The following YTHDC1 variants were observed in gnomAD, a reference collection of about 807,000 sequenced individuals.
The protein encoded by YTHDC1 is YTH N6-methyladenosine RNA binding protein C1.
A neutral mutation model predicts 107.0 loss-of-function variants in YTHDC1; 12 were observed. The ratio of observed to expected loss-of-function variants is 0.11; its 90% confidence interval spans 0.07 to 0.18. The LOEUF is 0.18. Ranked by LOEUF, YTHDC1 falls within the 10% of genes least tolerant of loss-of-function variation. The pLI, the probability that YTHDC1 is intolerant of heterozygous loss-of-function variation, is 1.00. For missense variants in YTHDC1, 635 were observed against 898.8 expected (o/e 0.71, Z 3.75); for synonymous variants, 280 against 289.5 (o/e 0.97, Z 0.33).
At chr4:68,334,651 G>A (rs1312199469) in intron 4 of YTHDC1, among the ~76,000 whole-genome samples, 1 of 152,024 alleles carries the variant, frequency 6.6e-6, no homozygotes, top group African/African-American at 2.4e-5. Context: ...TCTTTCAGTA[G>A]TCTAAGCATT....
chr4:68,348,514 A>G (rs1725698855), intron 1 of YTHDC1, among the ~76,000 whole-genome samples: 2 of 149,840 alleles, frequency 1.3e-5, no homozygotes, highest in Non-Finnish European at 3.0e-5. Flanking sequence ...ATTTTTTAGC[A>G]TTTAGTTTAA....
chr4:68,339,363 A>G (rs1724567025), intron 1 of YTHDC1, among the ~76,000 whole-genome samples: 1 of 152,236 alleles, frequency 6.6e-6, no homozygotes, highest in Non-Finnish European at 1.5e-5. Context: ...TTTCATATCA[A>G]AGCAGACCTA....
chr4:68,346,078 C>CACATATAT (rs377126144), intron 1 of YTHDC1, among the ~76,000 whole-genome samples: 4 of 132,678 alleles, frequency 3.0e-5, no homozygotes, highest in Non-Finnish European at 6.2e-5. Flanking sequence ...TGTGTGTGTA[C>CACATATAT]ATATATATAT....
rs1721529179 is a variant in YTHDC1, at chr4:68,313,948, T to C, written c.*151A>G. On this transcript the variant is annotated 3_prime_UTR_variant, in exon 17 of 17. Coordinates refer to ENST00000344157, the MANE Select transcript of YTHDC1 (RefSeq NM_001031732.4). ...TTTTTCCAGTTCTTATGATACTGCA[T>C]GCTTGGAACAAAGGGGGTCATAATA... 1.2e-6 allele frequency: 1 copy of C among 826,726 alleles called. No homozygotes were observed. Among genetic ancestry groups the C allele is most frequent in the South Asian group, 1.7e-5 (1 of 58,256 alleles). The allele number at this position is 826,726 out of a possible 1,614,324, so 51.2% of individuals were successfully genotyped here. A position where few individuals can be genotyped will look rare whatever the true frequency, so the allele number is the denominator to read the frequency against.
intron 4 of YTHDC1, among the ~76,000 whole-genome samples, chr4:68,336,184 CA>C (rs907465477): frequency 1.3e-5 from 2 of 150,926 alleles, no homozygotes; most frequent in Non-Finnish European, 1.5e-5. Context: ...AAATGTATTT[CA>C]AAAAAATAGG....
chr4:68,329,768 GACA>G (rs941610825), intron 9 of YTHDC1, among the ~76,000 whole-genome samples: 32 of 152,232 alleles, frequency 2.1e-4, no homozygotes, highest in African/African-American at 6.7e-4. Context: ...AGATACGCCA[GACA>G]ACATTTCAAG....
chr4:68,325,980 C>A (rs1164359807), intron 9 of YTHDC1, among the ~76,000 whole-genome samples: 1 of 151,974 alleles, frequency 6.6e-6, no homozygotes, highest in Non-Finnish European at 1.5e-5. Context: ...TAGAACAAGT[C>A]CACATCAAAG....
chr4:68,334,966 C>A (rs1723993486), intron 4 of YTHDC1, among the ~76,000 whole-genome samples: 1 of 152,094 alleles, frequency 6.6e-6, no homozygotes, highest in Non-Finnish European at 1.5e-5. Context: ...TAATGCTAAA[C>A]CTAGCATTAG....
At chr4:68,331,273 C>A (rs114785451) in intron 7 of YTHDC1, among the ~76,000 whole-genome samples, 2 of 152,060 alleles carry the variant, frequency 1.3e-5, no homozygotes, top group Non-Finnish European at 2.9e-5. Flanking sequence ...AGATGAGGAA[C>A]CCTGTGGATA....
chr4:68,314,024 C>T lies in YTHDC1; in HGVS notation c.*75G>A. 7.0e-7 allele frequency: 1 copy of T among 1,435,844 alleles called. No homozygotes were observed. Among genetic ancestry groups the T allele is most frequent in the East Asian group, 2.3e-5 (1 of 43,914 alleles). 88.9% of individuals were successfully genotyped at this position (1,435,844 alleles called of 1,614,324 possible). On this transcript the variant is annotated 3_prime_UTR_variant, in exon 17 of 17. Transcript: ENST00000344157. ...AGGCAGACAGCTGAAAATAAATTTA[C>T]TACTTGTAAACACACACAAAAAAAA...
In YTHDC1 at chr4:68,313,753, C is replaced by T; in HGVS notation, c.*346G>A. ...CAAAGCAAAATATCATGGCAGTTAT[C>T]AATCAAGATCCAAAAAGGAAAAAAA... On this transcript the variant is annotated 3_prime_UTR_variant, in exon 17 of 17. Transcript: ENST00000344157. 8.2e-6 allele frequency: 2 copies of T among 243,382 alleles called. No individual in the cohort carries two copies. The highest frequency in any genetic ancestry group is 7.5e-5 in the South Asian group (1 of 13,402). The allele number at this position is 243,382 out of a possible 1,614,324, so 15.1% of individuals were successfully genotyped here. A position where few individuals can be genotyped will look rare whatever the true frequency, so the allele number is the denominator to read the frequency against.
At chr4:68,324,778 A>T (rs1006123360) in intron 9 of YTHDC1, among the ~76,000 whole-genome samples, 1 of 152,164 alleles carries the variant, frequency 6.6e-6, no homozygotes, top group Admixed American at 6.5e-5. Context: ...GAGTTGTACA[A>T]TAGATAATTT....
In YTHDC1 at chr4:68,314,221, C is replaced by T. The variant is rs1325074498; in HGVS notation, c.2062G>A (p.Asp688Asn). 1.9e-6 allele frequency: 3 copies of T among 1,613,746 alleles called. No homozygotes were observed. The highest frequency in any genetic ancestry group is 1.7e-6 in the Non-Finnish European group (2 of 1,179,886). The change falls in exon 17 of 17, where the codon GAC (aspartate) becomes AAC (asparagine). Residue 688 changes from aspartate to asparagine, a missense_variant. Physicochemically the swap from Asp to Asn is conservative, Grantham distance 23. Transcript: ENST00000344157. Reference protein sequence around the residue: ...PRERDRERERDRPRDNRRDRE... With the variant: ...PRERDRERERNRPRDNRRDRE... ...TCTCGTCTGTTATCTCTAGGGCGGT[C>T]TCGCTCTCGTTCCCGGTCTCTTTCA... is the stretch of plus-strand genomic sequence containing the variant.
In YTHDC1 at chr4:68,349,944, C is replaced by T; in HGVS notation, c.-191G>A. On this transcript the variant is annotated 5_prime_UTR_variant, in exon 1 of 17. It adds an upstream start codon to the 5' untranslated region. Transcript: ENST00000344157. ...TTTTTCCCTTTCTCCCTTCCTTTCA[C>T]TCCAGCATCCAGCGGCCTAGGCCCA... The T allele has an allele frequency of 1.3e-6, 1 of 762,332 alleles. No homozygotes were observed. The highest frequency in any genetic ancestry group is 1.7e-5 in the South Asian group (1 of 58,292). 47.2% of individuals were successfully genotyped at this position (762,332 alleles called of 1,614,324 possible).
At position 68,314,111 on chromosome 4, in the gene YTHDC1, T is replaced by A; in HGVS notation, c.2172A>T (p.Arg724=). 6.2e-7 allele frequency: 1 copy of A among 1,614,162 alleles called. No homozygotes were observed. The highest frequency in any genetic ancestry group is 8.5e-7 in the Non-Finnish European group (1 of 1,180,024). ...DRDRDRGERG[R]YRR Reference sequence around the variant, plus strand: ...TTCCAAAAGCCCATTATCTTCTATATCGACCTCTCTCCCCTCGGTCTCTGT... The same window carrying A: ...TTCCAAAAGCCCATTATCTTCTATAACGACCTCTCTCCCCTCGGTCTCTGT... Residue 724 remains arginine (R), a synonymous_variant, in exon 17 of 17, where the codon CGA becomes CGT. Transcript: ENST00000344157.
chr4:68,338,502 C>T lies in YTHDC1; in HGVS notation c.29-118G>A, dbSNP rs952158946. The T allele has an allele frequency of 1.6e-5, 10 of 643,026 alleles. No homozygotes were observed. The African/African-American group carries it at 1.9e-4, about 12-fold the overall frequency. 39.8% of individuals were successfully genotyped at this position (643,026 alleles called of 1,614,324 possible). ...GGAGCTTTTACTTTTATATAAAAAGCTTTACTTTTATTTCAGAATCAAGAC... is the reference window on the plus strand; with the variant it reads ...GGAGCTTTTACTTTTATATAAAAAGTTTTACTTTTATTTCAGAATCAAGAC... On this transcript the variant is annotated intron_variant, in intron 1 of 16. Transcript: ENST00000344157.
chr4:68,317,513 CCAG>C (rs1721992821), intron 15 of YTHDC1, among the ~76,000 whole-genome samples: 1 of 152,054 alleles, frequency 6.6e-6, no homozygotes, highest in African/African-American at 2.4e-5. Flanking sequence ...ACTTCAACTT[CCAG>C]GTTTTTATTT....
chr4:68,314,042 A>AC lies in YTHDC1; in HGVS notation c.*56_*57insG, dbSNP rs1327092601. ...AAATTTACTACTTGTAAACACACAC[A>AC]AAAAAAAAATACAAGATTTTTTGTA... On this transcript the variant is annotated 3_prime_UTR_variant, in exon 17 of 17. Coordinates refer to ENST00000344157, the MANE Select transcript of YTHDC1 (RefSeq NM_001031732.4). 1.2e-5 allele frequency: 15 copies of AC among 1,255,474 alleles called. No homozygotes were observed. Among genetic ancestry groups the AC allele is most frequent in the African/African-American group, 1.5e-5 (1 of 65,058 alleles). 77.8% of individuals were successfully genotyped at this position (1,255,474 alleles called of 1,614,324 possible).
chr4:68,313,815 A>G lies in YTHDC1; in HGVS notation c.*284T>C, dbSNP rs185148719. The G allele has an allele frequency of 2.8e-5, 12 of 432,166 alleles. No individual in the cohort carries two copies. The highest frequency in any genetic ancestry group is 2.0e-4 in the African/African-American group (10 of 50,856). 26.8% of individuals were successfully genotyped at this position (432,166 alleles called of 1,614,324 possible). A position where few individuals can be genotyped will look rare whatever the true frequency, so the allele number is the denominator to read the frequency against. ...ATAACTCTAGGATGAACACACTATA[A>G]GAACATTTATGGAGAAAGAATCAGT... On this transcript the variant is annotated 3_prime_UTR_variant, in exon 17 of 17. Coordinates refer to ENST00000344157, the MANE Select transcript of YTHDC1 (RefSeq NM_001031732.4).
Sources: gnomAD v4.1 joint callset for allele counts (sites outside exome capture counted in the v4.1 genomes callset) on GRCh38, gnomAD v4.1.1 for gene constraint, MANE v1.5 for transcripts, NCBI Gene and HGNC (gene_info 2026-07-23, HGNC 2026-07-21) for gene names.